Variants in BCL11B observed in about 807,000 individuals in gnomAD.
BCL11B encodes the protein BCL11 transcription factor B, also known as B-cell lymphoma/leukemia 11B.
BCL11B carries 8 observed loss-of-function variants against 49.9 expected under a neutral mutation model. The observed-to-expected ratio is 0.16, with a 90% CI of 0.09 to 0.29. The LOEUF is 0.29. Among genes scored for constraint, BCL11B ranks in the 10% least tolerant of loss-of-function variants. The pLI, the probability that BCL11B is intolerant of heterozygous loss-of-function variation, is 1.00. For missense variants in BCL11B, 1,006 were observed against 1,351.0 expected, an observed-to-expected ratio of 0.74 and a Z score of 4.00; for synonymous variants, 739 against 637.4, an observed-to-expected ratio of 1.16 and a Z score of -2.40.
intron 1 of BCL11B, 50 bp downstream of exon 1, chr14:99,271,111 C>G: frequency 6.7e-7 from 1 of 1,495,598 alleles, no homozygotes; most frequent in Non-Finnish European, 8.9e-7. Flanking sequence ...CAGCCCCAGA[C>G]GCCCGGAGCC....
intron 3 of BCL11B, among the ~76,000 whole-genome samples, chr14:99,206,587 C>T (rs1276068092): frequency 6.6e-6 from 1 of 152,182 alleles, no homozygotes; most frequent in Non-Finnish European, 1.5e-5. Context: ...CCTCCTTGGG[C>T]ATCGGAGCAA....
At chr14:99,208,210 G>A (rs923733271) in intron 3 of BCL11B, among the ~76,000 whole-genome samples, 5 of 152,148 alleles carry the variant, frequency 3.3e-5, no homozygotes, top group African/African-American at 1.2e-4. Flanking sequence ...CCTGTCCCTT[G>A]TCCTTTGGAG....
chr14:99,178,407 G>A (rs1460419260), intron 3 of BCL11B, among the ~76,000 whole-genome samples: 1 of 152,218 alleles, frequency 6.6e-6, no homozygotes, highest in Non-Finnish European at 1.5e-5. Flanking sequence ...GCCCCTGAGG[G>A]GAAACCTCCC....
intron 2 of BCL11B, among the ~76,000 whole-genome samples, chr14:99,250,286 C>T (rs1888970817): frequency 6.6e-6 from 1 of 152,012 alleles, no homozygotes; most frequent in South Asian, 2.1e-4. Flanking sequence ...CCCCCCGCCT[C>T]GGCCTCCCAA....
At position 99,186,283 on chromosome 14, in the gene BCL11B, G is replaced by A. The variant is rs1886850409; in HGVS notation, c.641-10088C>T. ...CGCCTGTAATCCCAGCACTTTGGGA[G>A]GCCAAGGCATGCACATCACCTGAGG... On this transcript the variant is annotated intron_variant, in intron 3 of 3. Transcript: ENST00000357195. Among the ~76,000 whole-genome samples, 2 of 152,238 alleles carry A rather than the reference G, an allele frequency of 1.3e-5. 1 individual carries two copies. The highest frequency in any genetic ancestry group is 4.1e-4 in the South Asian group (2 of 4,830).
chr14:99,260,888 G>A (rs1889317125), intron 1 of BCL11B, among the ~76,000 whole-genome samples: 1 of 151,792 alleles, frequency 6.6e-6, no homozygotes, highest in Admixed American at 6.6e-5. Context: ...CAGGCCTCCA[G>A]GGCTCAGTTC....
At chr14:99,238,659 C>T (rs867445361) in intron 2 of BCL11B, among the ~76,000 whole-genome samples, 3 of 152,136 alleles carry the variant, frequency 2.0e-5, no homozygotes, top group Non-Finnish European at 2.9e-5. Context: ...GTGAGGGACA[C>T]GCAGCTTGGA....
At position 99,271,185 on chromosome 14, in the gene BCL11B, A is replaced by G. The variant is rs759260507; in HGVS notation, c.34T>C (p.Leu12=). The change falls in exon 1 of 4, where the codon TTG becomes CTG. Residue 12 remains leucine (L), a synonymous_variant. Coordinates refer to ENST00000357195, the MANE Select transcript of BCL11B (RefSeq NM_138576.4). ...SRRKQGNPQH[L]SQRELITPEA... is the part of the protein sequence containing the mutation. ...CGGGTGATGAGCTCCCTCTGGGACAAGTGCTGCGGGTTGCCCTGTTTGCGG... is the reference window on the plus strand; with the variant it reads ...CGGGTGATGAGCTCCCTCTGGGACAGGTGCTGCGGGTTGCCCTGTTTGCGG... The G allele has an allele frequency of 6.5e-7, 1 of 1,547,078 alleles. No homozygotes were observed. The highest frequency in any genetic ancestry group is 1.9e-5 in the Admixed American group (1 of 51,840).
intron 3 of BCL11B, among the ~76,000 whole-genome samples, chr14:99,200,121 A>T (rs1423431454): frequency 4.0e-5 from 6 of 150,692 alleles, no homozygotes; most frequent in Admixed American, 6.6e-5. Flanking sequence ...TTTTTTTTTT[A>T]AACAGTCTTA....
rs1352930215 is a variant in BCL11B at position 99,262,096 on chromosome 14, G to C, written c.59-4257C>G. 6.6e-6 allele frequency among the ~76,000 whole-genome samples: 1 copy of C among 152,216 alleles called. No individual in the cohort carries two copies. Among genetic ancestry groups the C allele is most frequent in the Non-Finnish European group, 1.5e-5 (1 of 68,046 alleles). On this transcript the variant is annotated intron_variant, in intron 1 of 3. Transcript: ENST00000357195. The surrounding 1 kb of genome is among the most constrained non-coding windows in gnomAD (Gnocchi z 4.2). ...GGGAAGGAATTTGAGTCAGAAGAAA[G>C]AAATGGAAAGACATCGTTAACACAG...
intron 3 of BCL11B, among the ~76,000 whole-genome samples, chr14:99,220,996 G>A (rs976026165): frequency 1.7e-4 from 26 of 152,096 alleles, no homozygotes; most frequent in African/African-American, 5.3e-4. Flanking sequence ...GACTATAGGC[G>A]CCCGCCACCA....
rs1297200323 is a variant in BCL11B at position 99,192,431 on chromosome 14, C to T, written c.641-16236G>A. On this transcript the variant is annotated intron_variant, in intron 3 of 3. Coordinates refer to ENST00000357195, the MANE Select transcript of BCL11B (RefSeq NM_138576.4). This position sits in a 1 kb window ranked among gnomAD's most constrained non-coding sequence, Gnocchi z 4.0. ...GACTGTAAACTGGGGCTGGTGCTTT[C>T]AATCAAGAAACGTGGCTCTCGTTAG... Among the ~76,000 whole-genome samples, 2 of 152,126 alleles carry T rather than the reference C, an allele frequency of 1.3e-5. No individual in the cohort carries two copies. Among genetic ancestry groups the T allele is most frequent in the Non-Finnish European group, 2.9e-5 (2 of 68,020 alleles).
At chr14:99,229,146 G>C (rs1008334776) in intron 3 of BCL11B, among the ~76,000 whole-genome samples, 1 of 151,760 alleles carries the variant, frequency 6.6e-6, no homozygotes, top group Admixed American at 6.6e-5. Flanking sequence ...ATGGATGGAT[G>C]GATGGATGGA....
chr14:99,231,569 A>G lies in BCL11B; in HGVS notation c.428-12T>C, dbSNP rs781375534. 46 of 1,558,570 alleles carry G rather than the reference A, an allele frequency of 3.0e-5. No homozygotes were observed. Among genetic ancestry groups the G allele is most frequent in the Non-Finnish European group, 3.8e-5 (44 of 1,151,270 alleles). ...AGGCCTGCACGGCCCTGGAGAAAAA[A>G]CAATAGAAAAGACTGGTCAGTCGGG... On this transcript the variant is annotated splice_polypyrimidine_tract_variant and intron_variant, in intron 2 of 3. Coordinates refer to ENST00000357195, the MANE Select transcript of BCL11B (RefSeq NM_138576.4). This position sits in a 1 kb window ranked among gnomAD's most constrained non-coding sequence, Gnocchi z 8.1.
At chr14:99,261,537 A>G (rs2139962752) in intron 1 of BCL11B, among the ~76,000 whole-genome samples, 1 of 152,244 alleles carries the variant, frequency 6.6e-6, no homozygotes, top group Admixed American at 6.5e-5. Flanking sequence ...GAAAAAGACC[A>G]ATGAAAACAG....
chr14:99,215,988 C>T (rs889492230), intron 3 of BCL11B, among the ~76,000 whole-genome samples: 3 of 152,132 alleles, frequency 2.0e-5, no homozygotes, highest in African/African-American at 7.2e-5. Flanking sequence ...CCGTGGATCC[C>T]GGAAAGCCTC....
chr14:99,207,094 G>A (rs2139833737), intron 3 of BCL11B, among the ~76,000 whole-genome samples: 1 of 152,300 alleles, frequency 6.6e-6, no homozygotes, highest in Non-Finnish European at 1.5e-5. Context: ...AAGGCTGCCA[G>A]GAAGCTCAGA....
At chr14:99,235,224 T>C (rs990661732) in intron 2 of BCL11B, among the ~76,000 whole-genome samples, 11 of 152,000 alleles carry the variant, frequency 7.2e-5, no homozygotes, top group Non-Finnish European at 1.3e-4. Flanking sequence ...TGGAGAGAGG[T>C]GGTCTGGAAT....
At chr14:99,204,658 A>G (rs1185910776) in intron 3 of BCL11B, among the ~76,000 whole-genome samples, 1 of 152,188 alleles carries the variant, frequency 6.6e-6, no homozygotes, top group Admixed American at 6.5e-5. Context: ...AGTGCTGGGC[A>G]TCTGGGAGCC....
Sources: allele counts gnomAD v4.1 joint callset (sites outside exome capture counted in the v4.1 genomes callset), GRCh38; gene constraint gnomAD v4.1.1; non-coding constraint Gnocchi (gnomAD v3.1); transcripts MANE v1.5; gene names NCBI Gene and HGNC (gene_info 2026-07-23, HGNC 2026-07-21).